The following MAPKAP1 variants were observed in gnomAD, a reference collection of about 807,000 sequenced individuals.
The protein encoded by MAPKAP1 is target of rapamycin complex 2 subunit MAPKAP1.
In MAPKAP1, 20 loss-of-function variants were observed where a neutral mutation model predicts 65.7. The observed-to-expected ratio is 0.30, with a 90% confidence interval of 0.21 to 0.44. The LOEUF is 0.44. Among genes scored for constraint, MAPKAP1 ranks in the 20% least tolerant of loss-of-function variants. The pLI is 1.00. For missense variants in MAPKAP1, 423 were observed against 648.0 expected (o/e 0.65, Z 3.77); for synonymous variants, 222 against 244.3 (o/e 0.91, Z 0.85).
chr9:125,591,043 G>A (rs768620508), intron 4 of MAPKAP1, among the ~76,000 whole-genome samples: 4 of 152,088 alleles, frequency 2.6e-5, no homozygotes, highest in African/African-American at 4.8e-5. Flanking sequence ...CAAAATGCTG[G>A]GATTACAAGC....
At chr9:125,507,268 T>C (rs572013404) in intron 7 of MAPKAP1, among the ~76,000 whole-genome samples, 2 of 152,298 alleles carry the variant, frequency 1.3e-5, no homozygotes, top group East Asian at 3.9e-4. Flanking sequence ...ACATAACGGG[T>C]CCAATGATCA....
chr9:125,673,191 T>C (rs1051124839), intron 1 of MAPKAP1, among the ~76,000 whole-genome samples: 2 of 152,208 alleles, frequency 1.3e-5, no homozygotes, highest in Non-Finnish European at 2.9e-5. Flanking sequence ...AATGAATATA[T>C]TTTCCTGTCA....
At chr9:125,568,187 T>C (rs1267148187) in intron 5 of MAPKAP1, among the ~76,000 whole-genome samples, 3 of 152,050 alleles carry the variant, frequency 2.0e-5, no homozygotes, top group Non-Finnish European at 4.4e-5. Flanking sequence ...TTCTAAGATT[T>C]AGGGGGTTAA....
chr9:125,671,472 G>A (rs1311473399), intron 2 of MAPKAP1, among the ~76,000 whole-genome samples: 1 of 151,982 alleles, frequency 6.6e-6, no homozygotes, highest in Non-Finnish European at 1.5e-5. Context: ...CCTTTCCTGG[G>A]AGTTAGCAGG....
At position 125,458,690 on chromosome 9, in the gene MAPKAP1, A is replaced by G. The variant is rs1201516894; in HGVS notation, c.1345+9282T>C. On this transcript the variant is annotated intron_variant, in intron 10 of 11. Transcript: ENST00000265960. The stretch of plus-strand genomic sequence containing the variant: ...CCCTCCCCCCTTTCTATTCCACAAA[A>G]CCGCCATCGTCATCCTGGCCTGTTC... Among the ~76,000 whole-genome samples the G allele has an allele frequency of 1.0e-3, 149 of 147,508 alleles. 1 individual carries two copies. Among genetic ancestry groups the G allele is most frequent in the African/African-American group, 3.5e-3 (140 of 39,754 alleles).
At chr9:125,592,342 C>A (rs1831989682) in intron 4 of MAPKAP1, among the ~76,000 whole-genome samples, 1 of 152,116 alleles carries the variant, frequency 6.6e-6, no homozygotes, top group African/African-American at 2.4e-5. Flanking sequence ...ACCTACTATA[C>A]CAATACACCA....
intron 4 of MAPKAP1, among the ~76,000 whole-genome samples, chr9:125,592,024 C>T (rs1345613079): frequency 6.6e-6 from 1 of 152,164 alleles, no homozygotes; most frequent in East Asian, 1.9e-4. Flanking sequence ...AGTGTTGCCA[C>T]AGGGAAACTG....
At chr9:125,669,395 G>A (rs781753016) in intron 3 of MAPKAP1, among the ~76,000 whole-genome samples, 8 of 152,092 alleles carry the variant, frequency 5.3e-5, no homozygotes, top group South Asian at 2.1e-4. Flanking sequence ...CAGGAGAATC[G>A]CTTGAACCGG....
intron 5 of MAPKAP1, among the ~76,000 whole-genome samples, chr9:125,564,992 G>A (rs1331804221): frequency 1.3e-5 from 2 of 152,142 alleles, no homozygotes; most frequent in African/African-American, 4.8e-5. Flanking sequence ...ATGGGACCAG[G>A]AAGTCTCCAT....
At chr9:125,632,929 G>C (rs373619433) in intron 4 of MAPKAP1, among the ~76,000 whole-genome samples, 18 of 152,182 alleles carry the variant, frequency 1.2e-4, no homozygotes, top group African/African-American at 4.1e-4. Flanking sequence ...TCAGAACAAA[G>C]AATTTTAACC....
intron 4 of MAPKAP1, among the ~76,000 whole-genome samples, chr9:125,609,949 G>A (rs959328797): frequency 6.6e-6 from 1 of 152,152 alleles, no homozygotes; most frequent in Non-Finnish European, 1.5e-5. Flanking sequence ...CAGATAAACT[G>A]CTAAGAGGTG....
intron 4 of MAPKAP1, among the ~76,000 whole-genome samples, chr9:125,627,974 G>C (rs186801006): frequency 1.3e-5 from 2 of 152,146 alleles, no homozygotes; most frequent in Non-Finnish European, 2.9e-5. Flanking sequence ...CTACGACAAA[G>C]GCGGCCACTT....
At chr9:125,657,477 T>A (rs1834064651) in intron 4 of MAPKAP1, among the ~76,000 whole-genome samples, 174 bp downstream of exon 4, 1 of 152,152 alleles carries the variant, frequency 6.6e-6, no homozygotes, top group Admixed American at 6.5e-5. Context: ...GAAACAATAC[T>A]GAACCCAAAT....
At chr9:125,525,539 G>A (rs1398205345) in intron 7 of MAPKAP1, among the ~76,000 whole-genome samples, 1 of 152,102 alleles carries the variant, frequency 6.6e-6, no homozygotes, top group African/African-American at 2.4e-5. Flanking sequence ...CGGGTGCGGT[G>A]GCGCATGCCT....
rs765239981 is a variant in MAPKAP1, at chr9:125,439,457, C to T, written c.1444-445G>A. Among the ~76,000 whole-genome samples, 4 of 152,202 alleles carry T rather than the reference C, an allele frequency of 2.6e-5. No individual in the cohort carries two copies. The highest frequency in any genetic ancestry group is 5.9e-5 in the Non-Finnish European group (4 of 68,030). Reference sequence around the variant, plus strand: ...AGCAAACCAAGACAGGCTCTCCATCCAGCCTCCCACCAGCCAGGCGCAGAG... The same window carrying T: ...AGCAAACCAAGACAGGCTCTCCATCTAGCCTCCCACCAGCCAGGCGCAGAG... On this transcript the variant is annotated intron_variant, in intron 11 of 11. Transcript: ENST00000265960. The surrounding 1 kb of genome is among the most constrained non-coding windows in gnomAD (Gnocchi z 4.0).
chr9:125,616,786 A>G (rs1249240402), intron 4 of MAPKAP1, among the ~76,000 whole-genome samples: 1 of 152,248 alleles, frequency 6.6e-6, no homozygotes, highest in Non-Finnish European at 1.5e-5. Context: ...GAAGCTGCAC[A>G]TAGATCCCAT....
At chr9:125,512,352 G>T (rs2133096891) in intron 7 of MAPKAP1, among the ~76,000 whole-genome samples, 1 of 152,272 alleles carries the variant, frequency 6.6e-6, no homozygotes, top group South Asian at 2.1e-4. Context: ...GGAGCAAAGG[G>T]CTTGCTTTTG....
intron 1 of MAPKAP1, among the ~76,000 whole-genome samples, chr9:125,673,260 C>T (rs971553348): frequency 1.3e-5 from 2 of 152,136 alleles, no homozygotes; most frequent in African/African-American, 4.8e-5. Flanking sequence ...CAGGGTATCG[C>T]GCTTGTTGCC....
chr9:125,444,532 T>A lies in MAPKAP1; in HGVS notation c.1412A>T (p.Asp471Val). The A allele has an allele frequency of 6.2e-7, 1 of 1,613,940 alleles. No individual in the cohort carries two copies. The highest frequency in any genetic ancestry group is 1.3e-5 in the African/African-American group (1 of 75,062). Residue 471 changes from aspartate to valine, a missense_variant, in exon 11 of 12, where the codon GAC becomes GTC. Physicochemically the swap from Asp to Val is radical, Grantham distance 152. Around this residue, in one of 6 missense-constraint regions of MAPKAP1, gnomAD observed 185 missense variants for 268.1 expected, o/e 0.69. Coordinates refer to ENST00000265960, the MANE Select transcript of MAPKAP1 (RefSeq NM_001006617.3). Reference protein sequence around the residue: ...HDYKHLYFESDAATVNEIVLK... With the variant: ...HDYKHLYFESVAATVNEIVLK... Reference sequence around the variant, plus strand: ...CACAATTTCATTGACGGTAGCAGCGTCCGATTCAAAGTAGAGGTGTTTATA... The same window carrying A: ...CACAATTTCATTGACGGTAGCAGCGACCGATTCAAAGTAGAGGTGTTTATA...
Sources: gnomAD v4.1 joint callset for allele counts (sites outside exome capture counted in the v4.1 genomes callset) on GRCh38, gnomAD v4.1.1 for gene constraint, gnomAD v4.1.1 regional missense constraint, Gnocchi (gnomAD v3.1) non-coding constraint, MANE v1.5 for transcripts, NCBI Gene and HGNC (gene_info 2026-07-23, HGNC 2026-07-21) for gene names.